The following FAT3 variants were observed in gnomAD, a reference collection of about 807,000 sequenced individuals.
The protein encoded by FAT3 is FAT atypical cadherin 3.
In FAT3, 95 loss-of-function variants were observed where a neutral mutation model predicts 310.2. The observed-to-expected ratio is 0.31, with a 90% CI of 0.26 to 0.36. FAT3 has a LOEUF of 0.36. Ranked by LOEUF, FAT3 falls within the 10% of genes least tolerant of loss-of-function variation. The pLI is 1.00. For missense variants in FAT3, 5,408 were observed against 5,715.6 expected (o/e 0.95, Z 1.74); for synonymous variants, 2,314 against 2,192.9 (o/e 1.06, Z -1.54).
chr11:92,310,561 G>A (rs1947270579), intron 1 of FAT3, among the ~76,000 whole-genome samples: 2 of 152,078 alleles, frequency 1.3e-5, no homozygotes, highest in African/African-American at 2.4e-5. Context: ...AGATGCAAGT[G>A]TAGTTTTGTT....
At chr11:92,490,110 A>T (rs1219037400) in intron 2 of FAT3, among the ~76,000 whole-genome samples, 1 of 152,050 alleles carries the variant, frequency 6.6e-6, no homozygotes, top group Non-Finnish European at 1.5e-5. Context: ...TGGGTTGAAA[A>T]TATACTTTTT....
intron 6 of FAT3, among the ~76,000 whole-genome samples, chr11:92,773,331 G>A (rs1309523464): frequency 6.6e-6 from 1 of 152,148 alleles, no homozygotes. Context: ...AAATTGTTTT[G>A]TAATTTGGTG....
chr11:92,610,480 G>A (rs1940510881), intron 3 of FAT3, among the ~76,000 whole-genome samples: 1 of 152,108 alleles, frequency 6.6e-6, no homozygotes, highest in Non-Finnish European at 1.5e-5. Context: ...TGAACCAGTT[G>A]TATAGTTTAG....
chr11:92,461,842 G>A (rs1000573787), intron 2 of FAT3, among the ~76,000 whole-genome samples: 4 of 152,116 alleles, frequency 2.6e-5, no homozygotes, highest in African/African-American at 4.8e-5. Context: ...TCTCACCCTC[G>A]CCTCGACTTG....
At chr11:92,315,551 A>AGAGAGAGG (rs1947437059) in intron 1 of FAT3, among the ~76,000 whole-genome samples, 1 of 136,332 alleles carries the variant, frequency 7.3e-6, no homozygotes, top group Admixed American at 7.4e-5. Flanking sequence ...AGAGAGAGAG[A>AGAGAGAGG]GAGACTGTGT....
intron 7 of FAT3, among the ~76,000 whole-genome samples, chr11:92,779,420 G>A (rs1350674165): frequency 6.6e-6 from 1 of 152,050 alleles, no homozygotes; most frequent in Non-Finnish European, 1.5e-5. Context: ...TCATGGTAAA[G>A]CATGACAAGA....
chr11:92,484,290 T>C (rs1001615471), intron 2 of FAT3, among the ~76,000 whole-genome samples: 2 of 152,246 alleles, frequency 1.3e-5, no homozygotes, highest in African/African-American at 2.4e-5. Flanking sequence ...TTATTTACTT[T>C]CTTATGCTAG....
intron 1 of FAT3, chr11:92,336,129 T>C: frequency 1.9e-6 from 1 of 533,730 alleles, no homozygotes; most frequent in East Asian, 5.0e-5. Context: ...CACAAGCATC[T>C]CAGCTCTGCA....
intron 7 of FAT3, among the ~76,000 whole-genome samples, chr11:92,779,886 A>G (rs1331435249): frequency 1.3e-5 from 2 of 152,172 alleles, no homozygotes; most frequent in Admixed American, 6.5e-5. Flanking sequence ...TAATTTGAAT[A>G]TGAAAGCAGC....
At chr11:92,530,743 G>T (rs1012163171) in intron 3 of FAT3, among the ~76,000 whole-genome samples, 1 of 152,080 alleles carries the variant, frequency 6.6e-6, no homozygotes, top group Admixed American at 6.5e-5. Context: ...AAAAGTGTTA[G>T]TTCATAAGAT....
intron 2 of FAT3, among the ~76,000 whole-genome samples, chr11:92,377,370 C>A (rs767561543): frequency 6.6e-6 from 1 of 152,006 alleles, no homozygotes; most frequent in Non-Finnish European, 1.5e-5. Context: ...TCACAAATAC[C>A]CAGGAAATAA....
chr11:92,691,129 A>G (rs1943787827), intron 3 of FAT3, among the ~76,000 whole-genome samples: 1 of 152,254 alleles, frequency 6.6e-6, no homozygotes, highest in African/African-American at 2.4e-5. Flanking sequence ...AAGAAGACTA[A>G]TGATCTTCTT....
At chr11:92,824,836 T>C (rs1948063323) in intron 13 of FAT3, among the ~76,000 whole-genome samples, 2 of 152,206 alleles carry the variant, frequency 1.3e-5, no homozygotes, top group Admixed American at 1.3e-4. Context: ...ACTTGCTTTT[T>C]TGATGACCTG....
intron 1 of FAT3, among the ~76,000 whole-genome samples, chr11:92,263,652 TATAG>T (rs1208430014): frequency 2.0e-5 from 3 of 151,028 alleles, no homozygotes; most frequent in Non-Finnish European, 2.9e-5. Context: ...TATATATATA[TATAG>T]AGAGAGATGC....
chr11:92,614,271 T>C (rs1306832835), intron 3 of FAT3, among the ~76,000 whole-genome samples: 1 of 152,202 alleles, frequency 6.6e-6, no homozygotes, highest in Non-Finnish European at 1.5e-5. Flanking sequence ...TACATAGGTA[T>C]GGAATTGCTA....
chr11:92,831,740 G>T lies in FAT3; in HGVS notation c.9600G>T (p.Ser3200=), dbSNP rs370683600. 5 of 1,613,328 alleles carry T rather than the reference G, an allele frequency of 3.1e-6. No individual in the cohort carries two copies. The South Asian group carries it at 3.3e-5, about 11-fold the overall frequency. ...EQPLDREQQS[S]YNISVRATDQ... Reference sequence around the variant, plus strand: ...CACTGGACCGTGAGCAGCAGTCTTCGTACAACATCAGCGTGCGGGCCACTG... The same window carrying T: ...CACTGGACCGTGAGCAGCAGTCTTCTTACAACATCAGCGTGCGGGCCACTG... Residue 3200 remains serine, a synonymous_variant, in exon 14 of 28, where the codon TCG becomes TCT. Transcript: ENST00000525166.
intron 4 of FAT3, among the ~76,000 whole-genome samples, chr11:92,705,439 GTGGTGGTGTGA>G (rs200678357): frequency 0.23 from 27,042 of 120,172 alleles, 2,890 homozygotes; most frequent in Non-Finnish European, 0.29. Flanking sequence ...GGTGGTGATG[GTGGTGGTGTGA>G]TGGTGGTGTG....
intron 7 of FAT3, among the ~76,000 whole-genome samples, chr11:92,775,043 A>G (rs1946563405): frequency 6.6e-6 from 1 of 152,114 alleles, no homozygotes; most frequent in Non-Finnish European, 1.5e-5. Flanking sequence ...GCTGGCACAC[A>G]TGCATATGCT....
At chr11:92,486,129 G>GTTTTTTTTTTTTTTT (rs1565353395) in intron 2 of FAT3, among the ~76,000 whole-genome samples, 26 of 27,680 alleles carry the variant, frequency 9.4e-4, no homozygotes, top group East Asian at 3.5e-3. Flanking sequence ...AGGCTGCTGG[G>GTTTTTTTTTTTTTTT]GTTTTTTTTT....
Sources: allele counts gnomAD v4.1 joint callset (sites outside exome capture counted in the v4.1 genomes callset), GRCh38; gene constraint gnomAD v4.1.1; transcripts MANE v1.5; gene names NCBI Gene and HGNC (gene_info 2026-07-23, HGNC 2026-07-21).